The following PLEKHA5 variants were observed in gnomAD, a reference collection of about 807,000 sequenced individuals.
PLEKHA5 encodes the protein pleckstrin homology domain containing A5, also known as pleckstrin homology domain-containing family A member 5.
A neutral mutation model predicts 181.9 loss-of-function variants in PLEKHA5; 55 were observed. The observed-to-expected ratio is 0.30, with a 90% confidence interval of 0.24 to 0.38. PLEKHA5 has a LOEUF of 0.38. Ranked by LOEUF, PLEKHA5 falls within the 10% of genes least tolerant of loss-of-function variation. PLEKHA5 has a pLI of 1.00. For synonymous variants in PLEKHA5, 535 were observed against 529.4 expected, an observed-to-expected ratio of 1.01 and a Z score of -0.15; for missense variants, 1,432 against 1,549.5, an observed-to-expected ratio of 0.92 and a Z score of 1.27.
At chr12:19,337,598 G>T (rs189896876) in intron 21 of PLEKHA5, among the ~76,000 whole-genome samples, 1 of 149,946 alleles carries the variant, frequency 6.7e-6, no homozygotes, top group African/African-American at 2.5e-5. Flanking sequence ...TTAAAATGTT[G>T]CTCTGAGGAA....
At position 19,270,178 on chromosome 12, in the gene PLEKHA5, C is replaced by T; in HGVS notation, c.828-10C>T. The T allele has an allele frequency of 1.4e-6, 2 of 1,444,892 alleles. No homozygotes were observed. The highest frequency in any genetic ancestry group is 1.8e-6 in the Non-Finnish European group (2 of 1,088,814). The allele number at this position is 1,444,892 out of a possible 1,614,324, so 89.5% of individuals were successfully genotyped here. ...CTAACATTCAAACTGAATGTTCTTT[C>T]TTCTTACAGAATTACCTTTAATTTC... On this transcript the variant is annotated splice_polypyrimidine_tract_variant and intron_variant, in intron 9 of 31. Coordinates refer to ENST00000429027, the MANE Select transcript of PLEKHA5 (RefSeq NM_001256470.2).
At chr12:19,324,639 A>G (rs560822508) in intron 20 of PLEKHA5, among the ~76,000 whole-genome samples, 2 of 152,342 alleles carry the variant, frequency 1.3e-5, no homozygotes, top group Admixed American at 1.3e-4. Context: ...TGAGCTAATC[A>G]AGGATAGGTA....
intron 3 of PLEKHA5, among the ~76,000 whole-genome samples, chr12:19,203,904 G>C (rs1009456433): frequency 6.6e-6 from 1 of 151,940 alleles, no homozygotes; most frequent in African/African-American, 2.4e-5. Flanking sequence ...AGGAATCATA[G>C]AGCTTTCTTT....
At chr12:19,204,840 A>G (rs766692501) in intron 3 of PLEKHA5, among the ~76,000 whole-genome samples, 3 of 152,128 alleles carry the variant, frequency 2.0e-5, no homozygotes, top group Non-Finnish European at 4.4e-5. Flanking sequence ...TAGTTTTCAG[A>G]TTGTTTTACT....
chr12:19,360,466 G>T (rs73065182), intron 28 of PLEKHA5, among the ~76,000 whole-genome samples: 11,691 of 151,714 alleles, frequency 0.077, 509 homozygotes, highest in African/African-American at 0.11. Flanking sequence ...AGTTAGCCAG[G>T]CACAGTGACA....
intron 3 of PLEKHA5, among the ~76,000 whole-genome samples, chr12:19,183,659 C>G (rs909312672): frequency 6.6e-6 from 1 of 152,124 alleles, no homozygotes; most frequent in Non-Finnish European, 1.5e-5. Flanking sequence ...CTTGGTGTTT[C>G]AAGGAACAGC....
intron 29 of PLEKHA5, among the ~76,000 whole-genome samples, chr12:19,365,475 A>C (rs758899938): frequency 6.6e-6 from 1 of 152,208 alleles, no homozygotes; most frequent in Non-Finnish European, 1.5e-5. Context: ...GTTCTTTTAC[A>C]TATAAATGGC....
chr12:19,314,820 G>T lies in PLEKHA5; in HGVS notation c.2044G>T (p.Glu682Ter). 6.5e-7 allele frequency: 1 copy of T among 1,536,362 alleles called. No individual in the cohort carries two copies. The highest frequency in any genetic ancestry group is 8.8e-7 in the Non-Finnish European group (1 of 1,133,196). Residue 682 changes from glutamate to a stop codon, truncating the protein, a stop_gained, in exon 16 of 32, where the codon GAA (glutamate) becomes TAA (stop). Transcript: ENST00000429027. LOFTEE classifies it high-confidence loss of function. ...TCCTCCTGATTTGAAATAGATGAAA[G>T]AAAATGAACCTATTATCACCATGGT... ...NTIYLDHQMK[E>*]NEPIITMVHT...
chr12:19,365,301 G>A (rs1448626732), intron 29 of PLEKHA5, among the ~76,000 whole-genome samples: 1 of 151,324 alleles, frequency 6.6e-6, no homozygotes, highest in East Asian at 2.0e-4. Flanking sequence ...TGGGAGGTGA[G>A]CTTGCAGTGA....
intron 20 of PLEKHA5, among the ~76,000 whole-genome samples, chr12:19,336,040 A>G (rs902358569): frequency 2.0e-5 from 3 of 152,016 alleles, no homozygotes; most frequent in Non-Finnish European, 4.4e-5. Flanking sequence ...TTTGGGGGTG[A>G]TTTTTTTTCC....
At chr12:19,343,486 G>A (rs745416726) in intron 22 of PLEKHA5, 52 bp downstream of exon 22, 4 of 965,528 alleles carry the variant, frequency 4.1e-6, no homozygotes, top group South Asian at 2.7e-5. Context: ...TTACAGTCAT[G>A]TGTCGCTTGG....
At chr12:19,341,680 T>C (rs1009665958) in intron 21 of PLEKHA5, among the ~76,000 whole-genome samples, 5 of 152,106 alleles carry the variant, frequency 3.3e-5, no homozygotes, top group African/African-American at 1.2e-4. Context: ...TTCTTTTTCT[T>C]TTTTTAATCT....
intron 3 of PLEKHA5, among the ~76,000 whole-genome samples, chr12:19,213,729 A>G (rs993644082): frequency 2.0e-5 from 3 of 152,142 alleles, no homozygotes; most frequent in Non-Finnish European, 2.9e-5. Flanking sequence ...GATCAATACA[A>G]CGTAAGTTAA....
intron 15 of PLEKHA5, among the ~76,000 whole-genome samples, chr12:19,298,101 A>G (rs2080391234): frequency 6.6e-6 from 1 of 152,238 alleles, no homozygotes; most frequent in East Asian, 1.9e-4. Flanking sequence ...TGGCAGGCTG[A>G]GGCAGGAGAA....
At position 19,208,438 on chromosome 12, in the gene PLEKHA5, G is replaced by A. The variant is rs377019764; in HGVS notation, c.228-45502G>A. ...AAAAAAAAAGTTCATTTTTTCACTCGAATTTAAACCTTCTGCCTCTTCATT... is the reference window on the plus strand; with the variant it reads ...AAAAAAAAAGTTCATTTTTTCACTCAAATTTAAACCTTCTGCCTCTTCATT... On this transcript the variant is annotated intron_variant, in intron 3 of 31. Coordinates refer to ENST00000429027, the MANE Select transcript of PLEKHA5 (RefSeq NM_001256470.2). Among the ~76,000 whole-genome samples, 6 of 150,872 alleles carry A rather than the reference G, an allele frequency of 4.0e-5. No homozygotes were observed. The East Asian group carries it at 9.7e-4, about 24-fold the overall frequency.
intron 3 of PLEKHA5, among the ~76,000 whole-genome samples, chr12:19,191,539 A>T (rs1387571611): frequency 6.6e-6 from 1 of 152,228 alleles, no homozygotes; most frequent in Non-Finnish European, 1.5e-5. Flanking sequence ...GCTGCCAAGA[A>T]CCAAAATATT....
chr12:19,253,999 A>G lies in PLEKHA5; in HGVS notation c.287A>G (p.Asn96Ser), dbSNP rs755733340. ...HPVTGQPSQD[N>S]CIFVVNEQTV... ...GTCACAGGACAACCATCACAGGACAATTGTATTTTTGTAGTGAATGAACAG... is the reference window on the plus strand; with the variant it reads ...GTCACAGGACAACCATCACAGGACAGTTGTATTTTTGTAGTGAATGAACAG... The change falls in exon 4 of 32, where the codon AAT (asparagine) becomes AGT (serine). Residue 96 changes from asparagine to serine, a missense_variant. Physicochemically the swap from Asn to Ser is conservative, Grantham distance 46 (BLOSUM62 1). Coordinates refer to ENST00000429027, the MANE Select transcript of PLEKHA5 (RefSeq NM_001256470.2). 8.7e-6 allele frequency: 14 copies of G among 1,605,422 alleles called. No individual in the cohort carries two copies. In the East Asian group the frequency reaches 3.1e-4, roughly 36 times the overall value.
At chr12:19,372,396 T>TG (rs2095604899) in intron 31 of PLEKHA5, 1 of 107,516 alleles carries the variant, frequency 9.3e-6, no homozygotes, top group African/African-American at 3.3e-5. Context: ...GGATTATTTG[T>TG]TTTTGTTTTT....
At chr12:19,344,947 GAA>G (rs769810813) in intron 22 of PLEKHA5, among the ~76,000 whole-genome samples, 9 of 118,234 alleles carry the variant, frequency 7.6e-5, no homozygotes, top group Admixed American at 8.9e-5. Flanking sequence ...CGGCTCTACT[GAA>G]AAAAAAAAAA....
Sources: gnomAD v4.1 joint callset for allele counts (sites outside exome capture counted in the v4.1 genomes callset) on GRCh38, gnomAD v4.1.1 for gene constraint, MANE v1.5 for transcripts, NCBI Gene and HGNC (gene_info 2026-07-23, HGNC 2026-07-21) for gene names.